The following CORIN variants were observed in gnomAD, a reference collection of about 807,000 sequenced individuals.
CORIN encodes atrial natriuretic peptide-converting enzyme.
A neutral mutation model predicts 125.3 loss-of-function variants in CORIN; 117 were observed. The observed-to-expected ratio is 0.93, with a 90% CI of 0.80 to 1.09. The LOEUF (loss-of-function observed/expected upper bound fraction) is 1.09, where lower values mean the gene tolerates loss of function less well. CORIN is among the 50% of genes least tolerant of loss of function. The pLI, the probability that CORIN is intolerant of heterozygous loss-of-function variation, is 0.00. For synonymous variants in CORIN, 450 were observed against 466.4 expected, an observed-to-expected ratio of 0.96 and a Z score of 0.45; for missense variants, 1,253 against 1,306.7, an observed-to-expected ratio of 0.96 and a Z score of 0.63.
chr4:47,736,428 A>G (rs1467926884), intron 5 of CORIN, among the ~76,000 whole-genome samples: 1 of 152,250 alleles, frequency 6.6e-6, no homozygotes, highest in Non-Finnish European at 1.5e-5. Context: ...TGAGATAATT[A>G]AGATGTGAGT....
chr4:47,769,760 T>G (rs570659492), intron 3 of CORIN, among the ~76,000 whole-genome samples: 1 of 152,096 alleles, frequency 6.6e-6, no homozygotes, highest in East Asian at 1.9e-4. Flanking sequence ...GAATACACAA[T>G]GGGGAAACAA....
In CORIN at chr4:47,768,411, T is replaced by C. The variant is rs1003969060; in HGVS notation, c.410-4825A>G. Among the ~76,000 whole-genome samples, 27 of 152,154 alleles carry C rather than the reference T, an allele frequency of 1.8e-4. 1 individual carries two copies. The highest frequency in any genetic ancestry group is 4.4e-5 in the Non-Finnish European group (3 of 68,034). On this transcript the variant is annotated intron_variant, in intron 3 of 21. Coordinates refer to ENST00000273857, the MANE Select transcript of CORIN (RefSeq NM_006587.4). The stretch of plus-strand genomic sequence containing the variant: ...TTCCACAAAACATTTAAAGAACTAA[T>C]ATCAATTCCTCTCAAACTCTTCCAA...
intron 1 of CORIN, among the ~76,000 whole-genome samples, chr4:47,822,673 AT>A (rs1732568628): frequency 1.3e-5 from 2 of 152,226 alleles, no homozygotes; most frequent in South Asian, 4.2e-4. Flanking sequence ...TTCTCATTGA[AT>A]CCTATCAATT....
rs1231748089 is a variant in CORIN at position 47,711,701 on chromosome 4, T to A, written c.800-18618A>T. On this transcript the variant is annotated intron_variant, in intron 5 of 21. Transcript: ENST00000273857. ...CTCTATTTTGGGATCTCTATTGTTATGGCAGCTTAGTATTTGCATAATTTG... is the reference window on the plus strand; with the variant it reads ...CTCTATTTTGGGATCTCTATTGTTAAGGCAGCTTAGTATTTGCATAATTTG... Among the ~76,000 whole-genome samples, 6 of 152,264 alleles carry A rather than the reference T, an allele frequency of 3.9e-5. 1 individual carries two copies. Among genetic ancestry groups the A allele is most frequent in the Non-Finnish European group, 1.5e-5 (1 of 68,046 alleles).
intron 5 of CORIN, among the ~76,000 whole-genome samples, chr4:47,725,601 A>AC (rs779443163): frequency 6.6e-6 from 1 of 152,142 alleles, no homozygotes; most frequent in Non-Finnish European, 1.5e-5. Context: ...CTTGACCTAT[A>AC]CCTTATACCT....
chr4:47,836,005 C>T (rs1238007675), intron 1 of CORIN, among the ~76,000 whole-genome samples: 1 of 152,078 alleles, frequency 6.6e-6, no homozygotes, highest in Admixed American at 6.5e-5. Context: ...AGTCCCCTCC[C>T]CCTTAAAAAA....
intron 3 of CORIN, among the ~76,000 whole-genome samples, chr4:47,768,583 G>T (rs1729874345): frequency 6.6e-6 from 1 of 152,054 alleles, no homozygotes; most frequent in African/African-American, 2.4e-5. Context: ...TCAACAAAAT[G>T]CTGGCAAACC....
At chr4:47,733,669 G>C (rs1727990471) in intron 5 of CORIN, among the ~76,000 whole-genome samples, 1 of 152,180 alleles carries the variant, frequency 6.6e-6, no homozygotes, top group African/African-American at 2.4e-5. Flanking sequence ...ATGATTGATA[G>C]GTCCTGAACT....
chr4:47,775,178 T>G (rs1730234536), intron 3 of CORIN, among the ~76,000 whole-genome samples: 1 of 151,858 alleles, frequency 6.6e-6, no homozygotes. Context: ...GGCATGCTTT[T>G]TTGTTGTTGT....
At chr4:47,830,004 A>C (rs1168424665) in intron 1 of CORIN, among the ~76,000 whole-genome samples, 1 of 152,210 alleles carries the variant, frequency 6.6e-6, no homozygotes, top group Non-Finnish European at 1.5e-5. Flanking sequence ...TGACTTGGAC[A>C]AAACTGTTTT....
chr4:47,828,842 T>C (rs941366337), intron 1 of CORIN, among the ~76,000 whole-genome samples: 26 of 151,588 alleles, frequency 1.7e-4, no homozygotes, highest in African/African-American at 6.3e-4. Context: ...GTAAGGGTAG[T>C]GAAATTTAAA....
At chr4:47,634,491 A>T (rs1388790902) in intron 16 of CORIN, among the ~76,000 whole-genome samples, 1 of 152,056 alleles carries the variant, frequency 6.6e-6, no homozygotes, top group African/African-American at 2.4e-5. Context: ...AAAATTAGCC[A>T]GGCATGGTGG....
At chr4:47,620,781 G>T (rs944662170) in intron 19 of CORIN, among the ~76,000 whole-genome samples, 4 of 152,160 alleles carry the variant, frequency 2.6e-5, no homozygotes, top group African/African-American at 9.7e-5. Flanking sequence ...TTCACTTCCT[G>T]CCCGCACCAA....
chr4:47,647,420 C>A (rs1173881203), intron 13 of CORIN, among the ~76,000 whole-genome samples: 1 of 152,028 alleles, frequency 6.6e-6, no homozygotes, highest in African/African-American at 2.4e-5. Flanking sequence ...CTTAAGACTA[C>A]AAGGAAGAAC....
intron 4 of CORIN, among the ~76,000 whole-genome samples, chr4:47,753,895 T>C (rs1273057420): frequency 6.6e-6 from 1 of 152,214 alleles, no homozygotes; most frequent in Non-Finnish European, 1.5e-5. Context: ...CATAAGAAAT[T>C]ATAAGAGTAT....
chr4:47,653,529 A>G (rs1370787731), intron 13 of CORIN, 24 bp downstream of exon 13: 1 of 1,569,832 alleles, frequency 6.4e-7, no homozygotes, highest in South Asian at 1.1e-5. Flanking sequence ...TACATTCAAG[A>G]AAAGTACCAT....
At chr4:47,698,977 T>C (rs996077532) in intron 5 of CORIN, among the ~76,000 whole-genome samples, 1 of 152,208 alleles carries the variant, frequency 6.6e-6, no homozygotes, top group African/African-American at 2.4e-5. Context: ...CCTGGACGTG[T>C]AGTAGGCTCT....
At chr4:47,646,043 CAA>C (rs1165408037) in intron 13 of CORIN, among the ~76,000 whole-genome samples, 20,443 of 98,130 alleles carry the variant, frequency 0.21, 1,269 homozygotes, top group African/African-American at 0.3. Flanking sequence ...CCACCTGTCT[CAA>C]AAAAAAAAAA....
At chr4:47,821,445 CTGA>C (rs1237087510) in intron 1 of CORIN, among the ~76,000 whole-genome samples, 1 of 151,052 alleles carries the variant, frequency 6.6e-6, no homozygotes, top group Non-Finnish European at 1.5e-5. Flanking sequence ...CTTCTTTCCA[CTGA>C]TGGTTTTAAA....
Sources: allele counts gnomAD v4.1 joint callset (sites outside exome capture counted in the v4.1 genomes callset), GRCh38; gene constraint gnomAD v4.1.1; transcripts MANE v1.5; gene names NCBI Gene and HGNC (gene_info 2026-07-23, HGNC 2026-07-21).